The following BMAL2 variants were observed in gnomAD, a reference collection of about 807,000 sequenced individuals.
BMAL2 encodes the protein basic helix-loop-helix ARNT like 2.
chr12:27,345,055 C>T, the BMAL2 span, among the ~76,000 whole-genome samples: 1 of 152,206 alleles, frequency 6.6e-6, no homozygotes, highest in African/African-American at 2.4e-5. Context: ...ATTTCTGCCT[C>T]AAACTCTTTT....
chr12:27,380,445 C>T, the BMAL2 span: 1 of 1,604,710 alleles, frequency 6.2e-7, no homozygotes, highest in Non-Finnish European at 8.5e-7. Flanking sequence ...TAAGTGAAAT[C>T]TGCTCTGTCA....
chr12:27,349,853 G>A, the BMAL2 span, among the ~76,000 whole-genome samples: 1 of 152,036 alleles, frequency 6.6e-6, no homozygotes, highest in African/African-American at 2.4e-5. Context: ...GTAAGTTAGG[G>A]GAACAGCTGG....
the BMAL2 span, among the ~76,000 whole-genome samples, chr12:27,387,922 A>G: frequency 6.6e-6 from 1 of 152,224 alleles, no homozygotes; most frequent in Non-Finnish European, 1.5e-5. Flanking sequence ...ACATTAGATT[A>G]TAAGGGTGTT....
the BMAL2 span, chr12:27,370,331 C>T: frequency 2.4e-6 from 2 of 839,332 alleles, no homozygotes; most frequent in Non-Finnish European, 3.9e-6. Flanking sequence ...TGCTCATCAT[C>T]TATCCCAGAG....
At chr12:27,389,762 A>C in the BMAL2 span, 2 of 202,298 alleles carry the variant, frequency 9.9e-6, no homozygotes, top group African/African-American at 4.7e-5. Context: ...ATTATGTAAA[A>C]TATAAAACAA....
At chr12:27,334,362 G>A in the BMAL2 span, among the ~76,000 whole-genome samples, 2 of 152,208 alleles carry the variant, frequency 1.3e-5, no homozygotes, top group Non-Finnish European at 2.9e-5. Flanking sequence ...TTATAGGATT[G>A]TTAGGAGTAA....
chr12:27,409,124 G>A, the BMAL2 span, among the ~76,000 whole-genome samples: 1 of 152,162 alleles, frequency 6.6e-6, no homozygotes, highest in Non-Finnish European at 1.5e-5. Context: ...AACATTCCAT[G>A]CTCATGGGTA....
chr12:27,400,596 G>T, the BMAL2 span: 1 of 1,613,844 alleles, frequency 6.2e-7, no homozygotes, highest in Non-Finnish European at 8.5e-7. Flanking sequence ...TCCAAATATT[G>T]TTGGAATGGA....
the BMAL2 span, among the ~76,000 whole-genome samples, chr12:27,351,757 G>A: frequency 1.3e-5 from 2 of 152,156 alleles, no homozygotes; most frequent in Admixed American, 6.5e-5. Context: ...GACTGACCCA[G>A]CGCTTCCCCT....
chr12:27,386,615 G>C, the BMAL2 span, among the ~76,000 whole-genome samples: 2 of 152,010 alleles, frequency 1.3e-5, no homozygotes. Context: ...AGTAGAATTT[G>C]GTAAAGGTAA....
At chr12:27,387,298 C>A in the BMAL2 span, 1 of 1,606,724 alleles carries the variant, frequency 6.2e-7, no homozygotes, top group Non-Finnish European at 8.5e-7. Flanking sequence ...AAGTCAGTCT[C>A]CAAAATACTT....
At chr12:27,413,387 G>T in the BMAL2 span, among the ~76,000 whole-genome samples, 2 of 152,154 alleles carry the variant, frequency 1.3e-5, no homozygotes, top group African/African-American at 4.8e-5. Flanking sequence ...CATAAAATGT[G>T]GAGAGAAATA....
At chr12:27,420,050 A>C in the BMAL2 span, among the ~76,000 whole-genome samples, 63 of 59,532 alleles carry the variant, frequency 1.1e-3, no homozygotes, top group African/African-American at 4.0e-3. Flanking sequence ...CACACACACA[A>C]ACATACACTA....
At chr12:27,374,774 T>C in the BMAL2 span, among the ~76,000 whole-genome samples, 2 of 152,336 alleles carry the variant, frequency 1.3e-5, no homozygotes, top group Non-Finnish European at 2.9e-5. Context: ...TCACTTGGCC[T>C]CCACTGGTTA....
At chr12:27,418,437 G>A in the BMAL2 span, among the ~76,000 whole-genome samples, 9 of 149,042 alleles carry the variant, frequency 6.0e-5, no homozygotes, top group Non-Finnish European at 1.0e-4. Flanking sequence ...CCATCCCTAC[G>A]AAAAAAAAAT....
chr12:27,362,798 C>T, the BMAL2 span, among the ~76,000 whole-genome samples: 1 of 151,748 alleles, frequency 6.6e-6, no homozygotes, highest in Non-Finnish European at 1.5e-5. Flanking sequence ...TCAGCATTAT[C>T]GGTTTTTGTT....
the BMAL2 span, chr12:27,400,590 A>G: frequency 6.2e-7 from 1 of 1,613,946 alleles, no homozygotes; most frequent in Non-Finnish European, 8.5e-7. Context: ...CTGGCCTCCA[A>G]ATATTGTTGG....
the BMAL2 span, among the ~76,000 whole-genome samples, chr12:27,404,325 C>A: frequency 6.7e-6 from 1 of 149,958 alleles, no homozygotes; most frequent in Non-Finnish European, 1.5e-5. Context: ...TATTAAAATA[C>A]GTTATAAAGC....
chr12:27,409,067 A>G, the BMAL2 span, among the ~76,000 whole-genome samples: 2 of 152,218 alleles, frequency 1.3e-5, no homozygotes, highest in Non-Finnish European at 2.9e-5. Flanking sequence ...AAGGAGAACT[A>G]GAAACCACTG....
Sources: allele counts gnomAD v4.1 joint callset (sites outside exome capture counted in the v4.1 genomes callset), GRCh38; gene constraint gnomAD v4.1.1; transcripts MANE v1.5; gene names NCBI Gene and HGNC (gene_info 2026-07-23, HGNC 2026-07-21).